SGCZ: variants seen among roughly 807,000 people sequenced by gnomAD.
SGCZ encodes sarcoglycan zeta, also known as zeta-sarcoglycan.
Under a neutral mutation model 41.3 loss-of-function variants are expected in SGCZ, and 40 were observed. The ratio of observed to expected loss-of-function variants is 0.97; its 90% confidence interval spans 0.75 to 1.26. The LOEUF is 1.26. SGCZ is among the 50% of genes most tolerant of loss of function. The pLI is 0.00. For missense variants in SGCZ, 552 were observed against 369.8 expected, an observed-to-expected ratio of 1.49 and a Z score of -4.04; for synonymous variants, 206 against 137.5, an observed-to-expected ratio of 1.50 and a Z score of -3.49.
intron 1 of SGCZ, among the ~76,000 whole-genome samples, chr8:14,692,622 A>G (rs1463028913): frequency 6.6e-6 from 1 of 152,166 alleles, no homozygotes; most frequent in Non-Finnish European, 1.5e-5. Context: ...TTGTGGAGAA[A>G]TATGCTTTGC....
intron 2 of SGCZ, among the ~76,000 whole-genome samples, chr8:14,384,737 G>C (rs1409957727): frequency 6.6e-6 from 1 of 152,064 alleles, no homozygotes; most frequent in Non-Finnish European, 1.5e-5. Flanking sequence ...TTTTTGTAGA[G>C]ACGAGGTTTT....
intron 2 of SGCZ, among the ~76,000 whole-genome samples, chr8:14,406,060 A>G (rs1799204075): frequency 6.6e-6 from 1 of 152,002 alleles, no homozygotes; most frequent in Non-Finnish European, 1.5e-5. Context: ...CCCATCAAAT[A>G]TATGCATGAT....
intron 1 of SGCZ, among the ~76,000 whole-genome samples, chr8:14,791,781 G>C (rs1284022524): frequency 2.6e-5 from 4 of 152,164 alleles, no homozygotes; most frequent in African/African-American, 9.7e-5. Flanking sequence ...AGGTTCCAAT[G>C]AGCAGTTCTG....
intron 1 of SGCZ, among the ~76,000 whole-genome samples, chr8:14,577,999 T>G (rs76305715): frequency 0.027 from 4,105 of 152,268 alleles, 193 homozygotes; most frequent in African/African-American, 0.093. Flanking sequence ...TTAAGTGAAC[T>G]GTACACTACA....
At chr8:14,113,666 C>G (rs1802440338) in intron 5 of SGCZ, among the ~76,000 whole-genome samples, 1 of 152,036 alleles carries the variant, frequency 6.6e-6, no homozygotes, top group Non-Finnish European at 1.5e-5. Flanking sequence ...GTACTTGTTT[C>G]CACAGCTTCA....
At chr8:14,095,286 G>GAGTT (rs1801808719) in intron 7 of SGCZ, among the ~76,000 whole-genome samples, 1 of 152,052 alleles carries the variant, frequency 6.6e-6, no homozygotes, top group African/African-American at 2.4e-5. Context: ...AATCCATCTT[G>GAGTT]AGTTAGTTTT....
At chr8:14,771,671 T>C (rs978771207) in intron 1 of SGCZ, among the ~76,000 whole-genome samples, 3 of 152,096 alleles carry the variant, frequency 2.0e-5, no homozygotes, top group African/African-American at 4.8e-5. Context: ...CTCAATTTGT[T>C]TGCAATCAAA....
intron 1 of SGCZ, among the ~76,000 whole-genome samples, chr8:15,172,871 G>T (rs1000978853): frequency 6.6e-6 from 1 of 152,102 alleles, no homozygotes; most frequent in African/African-American, 2.4e-5. Flanking sequence ...TTGTTCTATT[G>T]ATGTATAAAG....
intron 2 of SGCZ, among the ~76,000 whole-genome samples, chr8:14,428,472 A>G (rs1028037240): frequency 6.6e-6 from 1 of 152,132 alleles, no homozygotes; most frequent in Non-Finnish European, 1.5e-5. Flanking sequence ...CTGTGGTGGT[A>G]TATTATTTTT....
At chr8:15,032,403 C>G (rs907458058) in intron 1 of SGCZ, among the ~76,000 whole-genome samples, 1 of 152,120 alleles carries the variant, frequency 6.6e-6, no homozygotes, top group African/African-American at 2.4e-5. Flanking sequence ...GAGGTATCAT[C>G]CACAAAGGGG....
chr8:14,954,842 T>C (rs761318961), intron 1 of SGCZ, among the ~76,000 whole-genome samples: 1 of 152,162 alleles, frequency 6.6e-6, no homozygotes, highest in Non-Finnish European at 1.5e-5. Context: ...GCAACTTGCA[T>C]AATAAATGTG....
intron 1 of SGCZ, among the ~76,000 whole-genome samples, chr8:15,185,407 G>T (rs1395453157): frequency 2.6e-5 from 4 of 152,122 alleles, no homozygotes; most frequent in Non-Finnish European, 5.9e-5. Context: ...AAAATATACC[G>T]TGTTCACCAT....
chr8:14,450,439 G>C (rs1800559053), intron 2 of SGCZ, among the ~76,000 whole-genome samples: 2 of 152,210 alleles, frequency 1.3e-5, no homozygotes, highest in African/African-American at 4.8e-5. Context: ...GTAATGAGCA[G>C]TATTGAATTA....
chr8:14,850,927 C>T (rs979696509), intron 1 of SGCZ, among the ~76,000 whole-genome samples: 4 of 152,122 alleles, frequency 2.6e-5, no homozygotes, highest in African/African-American at 9.7e-5. Context: ...CCTCTCCAGC[C>T]GTACTGTGAT....
At chr8:14,702,845 A>G (rs556812957) in intron 1 of SGCZ, among the ~76,000 whole-genome samples, 1 of 135,074 alleles carries the variant, frequency 7.4e-6, no homozygotes, top group Non-Finnish European at 1.7e-5. Flanking sequence ...AGATAGATAG[A>G]TAGATAGATA....
chr8:14,206,395 A>G (rs1037964923), intron 4 of SGCZ, among the ~76,000 whole-genome samples: 10 of 152,332 alleles, frequency 6.6e-5, no homozygotes, highest in Admixed American at 5.2e-4. Context: ...AACATAAATC[A>G]TAATAAATAA....
At chr8:14,602,571 A>G (rs967564411) in intron 1 of SGCZ, among the ~76,000 whole-genome samples, 12 of 152,204 alleles carry the variant, frequency 7.9e-5, no homozygotes, top group African/African-American at 2.9e-4. Flanking sequence ...TAATGCACAT[A>G]TCAATGAATA....
At chr8:14,847,027 G>T (rs1246739926) in intron 1 of SGCZ, among the ~76,000 whole-genome samples, 2 of 151,830 alleles carry the variant, frequency 1.3e-5, no homozygotes, top group Admixed American at 6.6e-5. Context: ...AGCCAAGATT[G>T]TGCCACTGCA....
chr8:15,145,310 T>C (rs1449306025), intron 1 of SGCZ, among the ~76,000 whole-genome samples: 3 of 152,198 alleles, frequency 2.0e-5, no homozygotes, highest in Non-Finnish European at 2.9e-5. Context: ...TATTTGGTAA[T>C]AACTTTTCAA....
Sources: allele counts gnomAD v4.1 joint callset (sites outside exome capture counted in the v4.1 genomes callset), GRCh38; gene constraint gnomAD v4.1.1; transcripts MANE v1.5; gene names NCBI Gene and HGNC (gene_info 2026-07-23, HGNC 2026-07-21).